ASPH: variants seen among roughly 807,000 people sequenced by gnomAD.
ASPH encodes aspartyl/asparaginyl beta-hydroxylase.
Under a neutral mutation model 118.4 loss-of-function variants are expected in ASPH, and 100 were observed. The observed-to-expected ratio is 0.84, with a 90% CI of 0.72 to 1.00. The LOEUF (loss-of-function observed/expected upper bound fraction) is 1.00, where lower values mean the gene tolerates loss of function less well. ASPH is among the 50% of genes least tolerant of loss of function. The pLI is 0.00. For synonymous variants in ASPH, 315 were observed against 325.6 expected (o/e 0.97, Z 0.35); for missense variants, 920 against 919.5 (o/e 1.00, Z -0.01).
chr8:61,507,138 A>T (rs1487704929), intron 24 of ASPH, among the ~76,000 whole-genome samples: 1 of 152,226 alleles, frequency 6.6e-6, no homozygotes, highest in East Asian at 1.9e-4. Flanking sequence ...CATTAAATTA[A>T]ATTCCTGAGA....
chr8:61,649,220 G>C (rs879329545), intron 5 of ASPH, among the ~76,000 whole-genome samples: 6 of 152,168 alleles, frequency 3.9e-5, no homozygotes, highest in Non-Finnish European at 7.3e-5. Context: ...ATGCTGACAG[G>C]ATTTGCTGAT....
At chr8:61,662,762 TGA>T (rs1270644876) in intron 3 of ASPH, 1 of 777,082 alleles carries the variant, frequency 1.3e-6, no homozygotes, top group Non-Finnish European at 1.6e-6. Context: ...ATGTTTTAGT[TGA>T]GGTGTTTCAA....
chr8:61,594,232 C>T (rs1473328499), intron 14 of ASPH, among the ~76,000 whole-genome samples: 1 of 151,868 alleles, frequency 6.6e-6, no homozygotes, highest in East Asian at 1.9e-4. Context: ...ATTATTTGCA[C>T]AACACATTTT....
chr8:61,688,661 A>AAGCAACTC (rs987711400), intron 1 of ASPH, among the ~76,000 whole-genome samples: 1 of 152,206 alleles, frequency 6.6e-6, no homozygotes, highest in African/African-American at 2.4e-5. Context: ...AAAAACTGTC[A>AAGCAACTC]AGCAACTCAT....
intron 3 of ASPH, chr8:61,665,262 T>A: frequency 6.3e-7 from 1 of 1,591,462 alleles, no homozygotes; most frequent in Non-Finnish European, 8.5e-7. Context: ...TAGCCGTTTC[T>A]TTTCTGGGTA....
intron 21 of ASPH, among the ~76,000 whole-genome samples, chr8:61,542,342 G>A (rs1822268767): frequency 1.3e-5 from 2 of 151,882 alleles, no homozygotes; most frequent in African/African-American, 4.8e-5. Flanking sequence ...ATATTTACTA[G>A]TGTGCCATTT....
chr8:61,714,301 C>T lies in ASPH; in HGVS notation c.71G>A (p.Ser24Asn). 6.6e-7 allele frequency: 1 copy of T among 1,522,452 alleles called. No individual in the cohort carries two copies. The highest frequency in any genetic ancestry group is 1.4e-5 in the African/African-American group (1 of 69,756). The allele number at this position is 1,522,452 out of a possible 1,614,324, so 94.3% of individuals were successfully genotyped here. A position where few individuals can be genotyped will look rare whatever the true frequency, so the allele number is the denominator to read the frequency against. Residue 24 changes from serine to asparagine, a missense_variant, in exon 1 of 25, where the codon AGT becomes AAT. Physicochemically the swap from Ser to Asn is conservative, Grantham distance 46. Transcript: ENST00000379454. ...GGCCCCGGGGCTGCTGCTGCCCGCA[C>T]TCGTGCTACCGCTGCCGGAGCCGCT... ...SSSGSGSGST[S>N]AGSSSPGARR...
chr8:61,563,772 T>C (rs76529423), intron 17 of ASPH, among the ~76,000 whole-genome samples: 1,585 of 152,290 alleles, frequency 0.01, 29 homozygotes, highest in African/African-American at 0.036. Context: ...CTTCCCCCTA[T>C]CTGCCCACCT....
chr8:61,649,345 C>T (rs753369217), intron 5 of ASPH, among the ~76,000 whole-genome samples: 2 of 152,042 alleles, frequency 1.3e-5, no homozygotes, highest in Non-Finnish European at 2.9e-5. Flanking sequence ...CATAAGCAAT[C>T]TGGGGAGAAC....
intron 1 of ASPH, among the ~76,000 whole-genome samples, chr8:61,695,357 T>C (rs778582338): frequency 1.3e-5 from 2 of 152,236 alleles, no homozygotes; most frequent in Non-Finnish European, 2.9e-5. Flanking sequence ...GAAGGCTCCA[T>C]GTGATGGGGC....
chr8:61,579,770 C>A (rs1836807747), intron 15 of ASPH: 2 of 798,294 alleles, frequency 2.5e-6, no homozygotes, highest in Admixed American at 1.8e-5. Flanking sequence ...AGGAGACCCA[C>A]CTGAGGCTCA....
chr8:61,572,360 C>T (rs971659692), intron 16 of ASPH, among the ~76,000 whole-genome samples: 5 of 152,190 alleles, frequency 3.3e-5, no homozygotes, highest in African/African-American at 7.2e-5. Context: ...TGATATCCTG[C>T]CCTGGCTTTT....
At chr8:61,510,852 G>A (rs1478657082) in intron 24 of ASPH, among the ~76,000 whole-genome samples, 5 of 152,216 alleles carry the variant, frequency 3.3e-5, no homozygotes, top group Non-Finnish European at 5.9e-5. Flanking sequence ...ATGACCTGTG[G>A]ATAAGGTCAC....
intron 13 of ASPH, among the ~76,000 whole-genome samples, chr8:61,619,403 G>C (rs574815253): frequency 6.6e-6 from 1 of 152,286 alleles, no homozygotes; most frequent in South Asian, 2.1e-4. Flanking sequence ...CTTAAAACCA[G>C]AAAACTACTT....
chr8:61,681,597 T>C (rs1828096640), intron 2 of ASPH, among the ~76,000 whole-genome samples: 1 of 151,740 alleles, frequency 6.6e-6, no homozygotes, highest in African/African-American at 2.4e-5. Flanking sequence ...AATTAACCTT[T>C]AAAAATAAAA....
intron 21 of ASPH, among the ~76,000 whole-genome samples, chr8:61,532,288 T>C (rs1185082298): frequency 6.6e-6 from 1 of 152,212 alleles, no homozygotes; most frequent in Admixed American, 6.5e-5. Flanking sequence ...TGAATAGTGA[T>C]GTTGAGCACA....
chr8:61,505,826 A>C (rs1280726475), intron 24 of ASPH, among the ~76,000 whole-genome samples: 1 of 152,224 alleles, frequency 6.6e-6, no homozygotes, highest in Non-Finnish European at 1.5e-5. Context: ...TTGAGAAGAA[A>C]GGCAAAACCA....
At chr8:61,625,687 A>T (rs1292870325) in intron 13 of ASPH, 2 of 985,026 alleles carry the variant, frequency 2.0e-6, no homozygotes, top group Non-Finnish European at 2.4e-6. Flanking sequence ...AAATTTCAAA[A>T]GTGTTAATCT....
intron 21 of ASPH, among the ~76,000 whole-genome samples, chr8:61,535,153 AC>A (rs1273425544): frequency 6.6e-6 from 1 of 152,192 alleles, no homozygotes. Context: ...TAATACAGTC[AC>A]ATTCTGAGGT....
Sources: allele counts gnomAD v4.1 joint callset (sites outside exome capture counted in the v4.1 genomes callset), GRCh38; gene constraint gnomAD v4.1.1; transcripts MANE v1.5; gene names NCBI Gene and HGNC (gene_info 2026-07-23, HGNC 2026-07-21).